The following BANK1 variants were observed in gnomAD, a reference collection of about 807,000 sequenced individuals.
The protein encoded by BANK1 is B-cell scaffold protein with ankyrin repeats.
A neutral mutation model predicts 94.5 loss-of-function variants in BANK1; 95 were observed. The ratio of observed to expected loss-of-function variants is 1.00; its 90% CI spans 0.85 to 1.19. BANK1 has a LOEUF of 1.19. Ranked by LOEUF, BANK1 falls within the 50% of genes most tolerant of loss-of-function variation. BANK1 has a pLI of 0.00. For synonymous variants in BANK1, 334 were observed against 308.4 expected (o/e 1.08, Z -0.87); for missense variants, 987 against 932.2 (o/e 1.06, Z -0.77).
chr4:101,972,765 T>C (rs2148923775), intron 7 of BANK1: 1 of 152,250 alleles, frequency 6.6e-6, no homozygotes, highest in Middle Eastern at 3.4e-3. Context: ...GCAATAGAAC[T>C]TAACCTTATA....
chr4:101,927,622 T>G (rs1463040802), intron 7 of BANK1, among the ~76,000 whole-genome samples: 1 of 151,606 alleles, frequency 6.6e-6, no homozygotes, highest in Non-Finnish European at 1.5e-5. Flanking sequence ...TGCCATTGTT[T>G]TTTAGTATAG....
Position 102,029,975 on chromosome 4 carries a change from G to A in BANK1, c.1610G>A (p.Gly537Asp). The A allele has an allele frequency of 6.2e-7, 1 of 1,606,764 alleles. No homozygotes were observed. The highest frequency in any genetic ancestry group is 8.5e-7 in the Non-Finnish European group (1 of 1,177,896). ...TCATAAACAGGGACAATGGTGGAAG[G>A]CCAAATGGAAAGAAGTCAAAACTGG... ...HFTLPGTMVE[G>D]QMERSQNWGH... The change falls in exon 10 of 17, where the codon GGC (glycine) becomes GAC (aspartate). Residue 537 changes from glycine (G) to aspartate (D), a missense_variant. Physicochemically the swap from Gly to Asp is moderately conservative, Grantham distance 94. Transcript: ENST00000322953.
chr4:101,965,491 T>TG (rs1422092613), intron 7 of BANK1, among the ~76,000 whole-genome samples: 1 of 152,110 alleles, frequency 6.6e-6, no homozygotes, highest in Non-Finnish European at 1.5e-5. Context: ...AAAGTTTATC[T>TG]GATATCTAAA....
At chr4:101,898,211 G>T (rs1722157671) in intron 6 of BANK1, among the ~76,000 whole-genome samples, 1 of 151,928 alleles carries the variant, frequency 6.6e-6, no homozygotes. Context: ...CTAGGGTTTT[G>T]CTTGCCTCCT....
At chr4:101,805,994 G>T (rs570599587) in intron 1 of BANK1, among the ~76,000 whole-genome samples, 126 of 151,864 alleles carry the variant, frequency 8.3e-4, no homozygotes, top group African/African-American at 2.9e-3. Flanking sequence ...ATCTTCTAGG[G>T]CAAGTAGAGA....
chr4:101,845,823 A>G (rs2148869829), intron 2 of BANK1, among the ~76,000 whole-genome samples: 1 of 152,364 alleles, frequency 6.6e-6, no homozygotes, highest in South Asian at 2.1e-4. Context: ...TTAATGCCTT[A>G]GACATTTTTA....
At chr4:102,052,001 TAA>T (rs1240560904) in intron 11 of BANK1, among the ~76,000 whole-genome samples, 1 of 152,038 alleles carries the variant, frequency 6.6e-6, no homozygotes, top group Non-Finnish European at 1.5e-5. Flanking sequence ...CTGCACCTAT[TAA>T]AGTTTTCTGC....
chr4:101,978,673 T>G (rs1292899489), intron 7 of BANK1, among the ~76,000 whole-genome samples: 2 of 152,062 alleles, frequency 1.3e-5, no homozygotes, highest in Admixed American at 1.3e-4. Context: ...CCGTAATTTG[T>G]CATAGTTTCT....
At chr4:102,065,574 A>C (rs919936055) in intron 13 of BANK1, among the ~76,000 whole-genome samples, 5 of 152,088 alleles carry the variant, frequency 3.3e-5, no homozygotes, top group Non-Finnish European at 7.4e-5. Flanking sequence ...CTTAATGAAG[A>C]AAAAGAAACT....
intron 7 of BANK1, among the ~76,000 whole-genome samples, chr4:101,964,144 C>T (rs142331425): frequency 3.2e-3 from 487 of 152,114 alleles, no homozygotes; most frequent in South Asian, 4.6e-3. Flanking sequence ...TTTATTCAAT[C>T]GAATATATCA....
At chr4:102,029,918 TG>T in intron 9 of BANK1, 41 bp from the exon 10 acceptor site, 1 of 1,534,740 alleles carries the variant, frequency 6.5e-7, no homozygotes, top group Non-Finnish European at 8.7e-7. Flanking sequence ...TAATGTTGCA[TG>T]TAACAGAAGA....
intron 2 of BANK1, among the ~76,000 whole-genome samples, chr4:101,845,910 A>G (rs921422075): frequency 2.0e-5 from 3 of 152,192 alleles, no homozygotes; most frequent in Admixed American, 6.5e-5. Context: ...ACAGGTGCAC[A>G]ACGTGCAGGT....
rs1727844322 is a variant in BANK1 at position 102,045,346 on chromosome 4, C to G, written c.1969+1439C>G. ...CACAGCCAATATCATACTGAATGGG[C>G]AAAAACTGGAAGCATTCCCTTTGAA... On this transcript the variant is annotated intron_variant, in intron 11 of 16. Coordinates refer to ENST00000322953, the MANE Select transcript of BANK1 (RefSeq NM_017935.5). Among the ~76,000 whole-genome samples the G allele has an allele frequency of 2.6e-5, 4 of 152,220 alleles. No homozygotes were observed. The South Asian group carries it at 8.3e-4, about 32-fold the overall frequency.
intron 11 of BANK1, among the ~76,000 whole-genome samples, chr4:102,050,008 G>C (rs1727995439): frequency 6.6e-6 from 1 of 152,170 alleles, no homozygotes; most frequent in East Asian, 1.9e-4. Flanking sequence ...GAAAAACCAA[G>C]GGAGGAGAGA....
chr4:101,848,582 C>G (rs1158943592), intron 2 of BANK1, among the ~76,000 whole-genome samples: 1 of 152,152 alleles, frequency 6.6e-6, no homozygotes, highest in Non-Finnish European at 1.5e-5. Flanking sequence ...TAAGATAATA[C>G]AGTCATGCAC....
Position 101,897,954 on chromosome 4 carries a change from T to C in BANK1, c.1009+2544T>C, listed in dbSNP as rs565699234. On this transcript the variant is annotated intron_variant, in intron 6 of 16. Coordinates refer to ENST00000322953, the MANE Select transcript of BANK1 (RefSeq NM_017935.5). The stretch of plus-strand genomic sequence containing the variant: ...AACCATCACTATAATTTAATGGTAA[T>C]TTTGTATCTGAAAAAAATTATAAAA... Among the ~76,000 whole-genome samples, 56 of 151,974 alleles carry C rather than the reference T, an allele frequency of 3.7e-4. No homozygotes were observed. The South Asian group carries it at 0.011, about 31-fold the overall frequency.
At chr4:102,062,425 G>T (rs889221044) in intron 12 of BANK1, 2 of 152,190 alleles carry the variant, frequency 1.3e-5, no homozygotes, top group Non-Finnish European at 2.9e-5. Flanking sequence ...TGGTTTCTAG[G>T]TTTCCAGGAA....
At chr4:101,964,583 G>A (rs1452958538) in intron 7 of BANK1, among the ~76,000 whole-genome samples, 1 of 151,878 alleles carries the variant, frequency 6.6e-6, no homozygotes, top group East Asian at 1.9e-4. Flanking sequence ...GTTCAATTAT[G>A]AAACTTACAA....
rs186756433 is a variant in BANK1, at chr4:101,794,268, A to T, written c.70+3318A>T. Among the ~76,000 whole-genome samples the T allele has an allele frequency of 1.2e-3, 177 of 152,246 alleles. 1 individual carries two copies. The highest frequency in any genetic ancestry group is 3.8e-3 in the African/African-American group (160 of 41,582). On this transcript the variant is annotated intron_variant, in intron 1 of 16. Transcript: ENST00000322953. ...TATTTGAAAAAAATAAGCATCAAAC[A>T]GAAAAACTGTGGAGTATTTCAACTT...
Sources: gnomAD v4.1 joint callset for allele counts (sites outside exome capture counted in the v4.1 genomes callset) on GRCh38, gnomAD v4.1.1 for gene constraint, MANE v1.5 for transcripts, NCBI Gene and HGNC (gene_info 2026-07-23, HGNC 2026-07-21) for gene names.